CACNA1G: variants seen among roughly 807,000 people sequenced by gnomAD.
CACNA1G encodes the protein calcium voltage-gated channel subunit alpha1 G.
CACNA1G carries 67 observed loss-of-function variants against 219.4 expected under a neutral mutation model. That is an observed-to-expected ratio of 0.31 (90% CI 0.25 to 0.37). The LOEUF is 0.37. CACNA1G is among the 10% of genes least tolerant of loss of function. The pLI, the probability that CACNA1G is intolerant of heterozygous loss-of-function variation, is 1.00. For missense variants in CACNA1G, 2,380 were observed against 3,231.4 expected (o/e 0.74, Z 6.39); for synonymous variants, 1,296 against 1,345.3 (o/e 0.96, Z 0.80).
intron 9 of CACNA1G, among the ~76,000 whole-genome samples, chr17:50,589,573 A>C (rs1173333060): frequency 6.6e-6 from 1 of 152,166 alleles, no homozygotes; most frequent in African/African-American, 2.4e-5. Flanking sequence ...AAGCGAGGTC[A>C]CTAGTGAGCT....
At chr17:50,580,123 T>C (rs2041617333) in intron 9 of CACNA1G, among the ~76,000 whole-genome samples, 1 of 152,024 alleles carries the variant, frequency 6.6e-6, no homozygotes, top group African/African-American at 2.4e-5. Context: ...AGTGGGACCC[T>C]GGCTGCAGTG....
chr17:50,611,430 G>A (rs2049186995), intron 26 of CACNA1G, among the ~76,000 whole-genome samples: 1 of 152,056 alleles, frequency 6.6e-6, no homozygotes, highest in South Asian at 2.1e-4. Flanking sequence ...TGGGGCCTCA[G>A]GGACCCACCC....
At position 50,627,347 on chromosome 17, in the gene CACNA1G, G is replaced by GA; in HGVS notation, c.*596_*597insA. The stretch of plus-strand genomic sequence containing the variant: ...TTAACCTCGTCATCATTTTCTGTAG[G>GA]GAAAAAAAAAAGAAAAAGAAAAAAT... On this transcript the variant is annotated 3_prime_UTR_variant, in exon 38 of 38. Transcript: ENST00000359106. 5.3e-6 allele frequency: 2 copies of GA among 374,392 alleles called. No homozygotes were observed. The highest frequency in any genetic ancestry group is 1.0e-5 in the Non-Finnish European group (2 of 191,596). The allele number at this position is 374,392 out of a possible 1,614,324, so 23.2% of individuals were successfully genotyped here.
chr17:50,608,120 G>A, intron 25 of CACNA1G, 101 bp downstream of exon 25: 1 of 1,104,794 alleles, frequency 9.1e-7, no homozygotes, highest in Non-Finnish European at 1.3e-6. Context: ...CTGGGGCCGG[G>A]GGCAGGGAGA....
At position 50,568,897 on chromosome 17, in the gene CACNA1G, C is replaced by A; in HGVS notation, c.270C>A (p.Val90=). The A allele has an allele frequency of 6.2e-7, 1 of 1,613,670 alleles. No homozygotes were observed. Among genetic ancestry groups the A allele is most frequent in the Non-Finnish European group, 8.5e-7 (1 of 1,179,878 alleles). ...NPWFERISML[V]ILLNCVTLGM... ...GGTTTGAGCGCATCAGCATGTTGGT[C>A]ATCCTTCTCAACTGCGTGACCCTGG... Residue 90 remains valine (V), a synonymous_variant, in exon 2 of 38, where the codon GTC becomes GTA. Coordinates refer to ENST00000359106, the MANE Select transcript of CACNA1G (RefSeq NM_018896.5).
Position 50,600,878 on chromosome 17 carries a change from G to A in CACNA1G, c.3791+52G>A. ...TGTGTCCCGACCTCTTCTTCTCACG[G>A]GAAATTACCGCTGGTGATGCTGTCA... On this transcript the variant is annotated intron_variant, in intron 18 of 37. Coordinates refer to ENST00000359106, the MANE Select transcript of CACNA1G (RefSeq NM_018896.5). The surrounding 1 kb of genome is among the most constrained non-coding windows in gnomAD (Gnocchi z 4.1). The A allele has an allele frequency of 3.8e-6, 6 of 1,579,240 alleles. No individual in the cohort carries two copies. The South Asian group carries it at 6.6e-5, about 17-fold the overall frequency.
chr17:50,613,137 G>A (rs146449886), intron 26 of CACNA1G, among the ~76,000 whole-genome samples: 1 of 152,342 alleles, frequency 6.6e-6, no homozygotes, highest in East Asian at 1.9e-4. Flanking sequence ...CGAGGGACTC[G>A]GGCTGGAAGT....
chr17:50,583,600 G>A (rs2042394482), intron 9 of CACNA1G, among the ~76,000 whole-genome samples: 1 of 151,678 alleles, frequency 6.6e-6, no homozygotes, highest in Non-Finnish European at 1.5e-5. Context: ...GCTTCACGAA[G>A]GTGGTGGCTT....
chr17:50,600,700 C>A lies in CACNA1G; in HGVS notation c.3691-26C>A. ...CGGGGAACCTGGAGGCCTGGTCCTG[C>A]TCATACTCCAGTGTTTGTTCTGCAG... On this transcript the variant is annotated intron_variant, in intron 17 of 37. Coordinates refer to ENST00000359106, the MANE Select transcript of CACNA1G (RefSeq NM_018896.5). This position sits in a 1 kb window ranked among gnomAD's most constrained non-coding sequence, Gnocchi z 4.1. The A allele has an allele frequency of 6.2e-7, 1 of 1,604,732 alleles. No homozygotes were observed. The highest frequency in any genetic ancestry group is 8.5e-7 in the Non-Finnish European group (1 of 1,171,674).
intron 26 of CACNA1G, among the ~76,000 whole-genome samples, chr17:50,610,140 C>G (rs986001201): frequency 6.6e-6 from 1 of 152,212 alleles, no homozygotes; most frequent in South Asian, 2.1e-4. Flanking sequence ...GCCTCTCTGC[C>G]GACGCCCTTT....
At chr17:50,567,469 G>A (rs939279822) in intron 1 of CACNA1G, among the ~76,000 whole-genome samples, 6 of 152,034 alleles carry the variant, frequency 3.9e-5, no homozygotes, top group Non-Finnish European at 8.8e-5. Context: ...CTATGGCTGG[G>A]ACCAGCTGGG....
In CACNA1G at chr17:50,578,229, A is replaced by G. The variant is rs78797756; in HGVS notation, c.1966A>G (p.Lys656Glu). ...SSCKISSPCL[K>E]ADSGACGPDS... is the part of the protein sequence containing the mutation. ...TTGCAAGATCTCCAGCCCTTGCTTG[A>G]AAGCAGACAGTGGAGCCTGTGGTCC... The change falls in exon 9 of 38, where the codon AAA (lysine) becomes GAA (glutamate). Residue 656 changes from lysine to glutamate, a missense_variant. Transcript: ENST00000359106. The surrounding 1 kb of genome is among the most constrained non-coding windows in gnomAD (Gnocchi z 4.5). 1 of 1,603,192 alleles carries G rather than the reference A, an allele frequency of 6.2e-7. No individual in the cohort carries two copies. The highest frequency in any genetic ancestry group is 8.5e-7 in the Non-Finnish European group (1 of 1,173,494).
At chr17:50,624,326 CCCCCA>C in intron 36 of CACNA1G, 29 bp from the exon 37 acceptor site, 3 of 1,056,342 alleles carry the variant, frequency 2.8e-6, no homozygotes, top group Non-Finnish European at 4.3e-6. Flanking sequence ...CCATTCTCTC[CCCCCA>C]CCCCTCCCCC....
rs781527981 is a variant in CACNA1G, at chr17:50,607,807, T to C, written c.4513-20T>C. 3 of 1,610,612 alleles carry C rather than the reference T, an allele frequency of 1.9e-6. No individual in the cohort carries two copies. In the South Asian group the frequency reaches 3.3e-5, roughly 18 times the overall value. On this transcript the variant is annotated intron_variant, in intron 24 of 37. Coordinates refer to ENST00000359106, the MANE Select transcript of CACNA1G (RefSeq NM_018896.5). ...GCCCTCGGGCTGATGCCTCCGCCTGTCCTTCCTGCTCCCCGCCAGCCCATC... is the reference window on the plus strand; with the variant it reads ...GCCCTCGGGCTGATGCCTCCGCCTGCCCTTCCTGCTCCCCGCCAGCCCATC...
chr17:50,579,532 CA>C (rs2041469398), intron 9 of CACNA1G, among the ~76,000 whole-genome samples: 1 of 152,084 alleles, frequency 6.6e-6, no homozygotes, highest in South Asian at 2.1e-4. Flanking sequence ...CCCCTCCCCC[CA>C]GTCTGGCCTT....
chr17:50,625,153 T>C (rs897551213), intron 37 of CACNA1G, among the ~76,000 whole-genome samples: 2 of 152,154 alleles, frequency 1.3e-5, no homozygotes, highest in Non-Finnish European at 2.9e-5. Context: ...GGTTTCTCCA[T>C]GTTGGTCAGG....
At chr17:50,580,875 C>T (rs1329358599) in intron 9 of CACNA1G, among the ~76,000 whole-genome samples, 1 of 152,184 alleles carries the variant, frequency 6.6e-6, no homozygotes, top group African/African-American at 2.4e-5. Context: ...CCTGTGCTTG[C>T]AGGCACTGCG....
rs1027347014 is a variant in CACNA1G, at chr17:50,621,103, G to T, written c.5926-557G>T. 1.3e-5 allele frequency among the ~76,000 whole-genome samples: 2 copies of T among 152,208 alleles called. No individual in the cohort carries two copies. The highest frequency in any genetic ancestry group is 2.9e-5 in the Non-Finnish European group (2 of 68,026). On this transcript the variant is annotated intron_variant, in intron 34 of 37. Coordinates refer to ENST00000359106, the MANE Select transcript of CACNA1G (RefSeq NM_018896.5). The surrounding 1 kb of genome is among the most constrained non-coding windows in gnomAD (Gnocchi z 4.6). ...GGCAGGCGGAGGAGGGCCCACGAGG[G>T]GAGAAGCCAGAATCTGGGGGCAGGC...
rs1464021030 is a variant in CACNA1G, at chr17:50,624,399, G to T, written c.6269G>T (p.Ser2090Ile). ...GTTCACTCCCAGCCAGCAGATACCAGCTACATCCTGCAGCTTCCCAAAGAT... is the reference window on the plus strand; with the variant it reads ...GTTCACTCCCAGCCAGCAGATACCATCTACATCCTGCAGCTTCCCAAAGAT... ...LSVHSQPADT[S>I]YILQLPKDAP... Residue 2090 changes from serine (S) to isoleucine (I), a missense_variant, in exon 37 of 38, where the codon AGC (serine) becomes ATC (isoleucine). Ser to Ile is a moderately radical substitution (Grantham distance 142). Coordinates refer to ENST00000359106, the MANE Select transcript of CACNA1G (RefSeq NM_018896.5). 7.0e-7 allele frequency: 1 copy of T among 1,423,438 alleles called. No individual in the cohort carries two copies. The highest frequency in any genetic ancestry group is 1.5e-5 in the African/African-American group (1 of 65,884). 88.2% of individuals were successfully genotyped at this position (1,423,438 alleles called of 1,614,324 possible). A position where few individuals can be genotyped will look rare whatever the true frequency, so the allele number is the denominator to read the frequency against.
Sources: allele counts gnomAD v4.1 joint callset (sites outside exome capture counted in the v4.1 genomes callset), GRCh38; gene constraint gnomAD v4.1.1; non-coding constraint Gnocchi (gnomAD v3.1); transcripts MANE v1.5; gene names NCBI Gene and HGNC (gene_info 2026-07-23, HGNC 2026-07-21).